Variants in NKAIN2 observed in about 807,000 individuals in gnomAD.
NKAIN2 encodes sodium/potassium transporting ATPase interacting 2, also known as sodium/potassium-transporting ATPase subunit beta-1-interacting protein 2.
NKAIN2 carries 14 observed loss-of-function variants against 32.6 expected under a neutral mutation model. The ratio of observed to expected loss-of-function variants is 0.43; its 90% CI spans 0.28 to 0.67. The LOEUF (loss-of-function observed/expected upper bound fraction) is 0.67. Among genes scored for constraint, NKAIN2 ranks in the 30% least tolerant of loss-of-function variants. The probability of loss-of-function intolerance (pLI) is 0.17; values close to 1 mark genes in which losing one functional copy is unlikely to be tolerated. For synonymous variants in NKAIN2, 80 were observed against 87.2 expected, an observed-to-expected ratio of 0.92 and a Z score of 0.46; for missense variants, 198 against 258.3, an observed-to-expected ratio of 0.77 and a Z score of 1.60.
intron 3 of NKAIN2, among the ~76,000 whole-genome samples, chr6:124,560,604 A>C (rs765249315): frequency 3.3e-5 from 5 of 152,224 alleles, no homozygotes; most frequent in Non-Finnish European, 7.3e-5. Flanking sequence ...TTTCAAATGA[A>C]TACAACGATG....
intron 1 of NKAIN2, among the ~76,000 whole-genome samples, chr6:123,993,191 T>C (rs1250661997): frequency 1.3e-5 from 2 of 152,188 alleles, no homozygotes; most frequent in African/African-American, 2.4e-5. Context: ...GGCAAAAGGG[T>C]ATTGACATAT....
At chr6:124,735,621 T>C (rs1776896470) in intron 4 of NKAIN2, among the ~76,000 whole-genome samples, 1 of 151,866 alleles carries the variant, frequency 6.6e-6, no homozygotes, top group Non-Finnish European at 1.5e-5. Context: ...ATCAACACAA[T>C]TTTTCCAATA....
chr6:123,804,127 T>A lies in NKAIN2; in HGVS notation c.-74T>A, dbSNP rs572708782. 8.7e-6 allele frequency: 12 copies of A among 1,377,390 alleles called. No homozygotes were observed. Among genetic ancestry groups the A allele is most frequent in the South Asian group, 1.2e-5 (1 of 86,440 alleles). The allele number at this position is 1,377,390 out of a possible 1,614,324, so 85.3% of individuals were successfully genotyped here. A position where few individuals can be genotyped will look rare whatever the true frequency, so the allele number is the denominator to read the frequency against. On this transcript the variant is annotated 5_prime_UTR_variant, in exon 1 of 7. Transcript: ENST00000368417. ...CAGGTTTGCGTGTCCTTCCCCGCGA[T>A]CTGATTGGATAAAGTGGGGGCTCGA...
chr6:124,330,293 G>A (rs1441831081), intron 2 of NKAIN2, among the ~76,000 whole-genome samples: 1 of 152,144 alleles, frequency 6.6e-6, no homozygotes, highest in African/African-American at 2.4e-5. Context: ...CAGTACCTCG[G>A]TAATAGACTC....
rs767605395 is a variant in NKAIN2 at position 124,791,337 on chromosome 6, A to C, written c.475-2A>C. 2 of 1,607,520 alleles carry C rather than the reference A, an allele frequency of 1.2e-6. No homozygotes were observed. Among genetic ancestry groups the C allele is most frequent in the Non-Finnish European group, 1.7e-6 (2 of 1,175,128 alleles). ...GTCTAAAGCATCTCTGTTTTGTTTCAGCTGGCAGGTTTCATCTACGCCTGT... is the reference window on the plus strand; with the variant it reads ...GTCTAAAGCATCTCTGTTTTGTTTCCGCTGGCAGGTTTCATCTACGCCTGT... On this transcript the variant is annotated splice_acceptor_variant, in intron 4 of 6. Transcript: ENST00000368417. LOFTEE classifies it high-confidence loss of function.
chr6:123,992,062 AAATTT>A (rs1221965731), intron 1 of NKAIN2, among the ~76,000 whole-genome samples: 3 of 152,184 alleles, frequency 2.0e-5, no homozygotes, highest in African/African-American at 4.8e-5. Flanking sequence ...CAAAGAAACT[AAATTT>A]TTTTGAATGG....
Position 124,222,256 on chromosome 6 carries a change from C to T in NKAIN2, c.55-60749C>T, listed in dbSNP as rs150422105. ...CAAGAAAAGGAAAGAAATGTTGTTG[C>T]CCTCACAGAGATTACACTGAGGTTT... On this transcript the variant is annotated intron_variant, in intron 1 of 6. Coordinates refer to ENST00000368417, the MANE Select transcript of NKAIN2 (RefSeq NM_001040214.3). 7.0e-3 allele frequency among the ~76,000 whole-genome samples: 1,070 copies of T among 152,158 alleles called. 3 individuals carry two copies. The highest frequency in any genetic ancestry group is 0.017 in the Admixed American group (266 of 15,272).
chr6:124,510,388 A>G (rs1375888986), intron 3 of NKAIN2, among the ~76,000 whole-genome samples: 4 of 152,136 alleles, frequency 2.6e-5, no homozygotes, highest in African/African-American at 9.7e-5. Context: ...CTTTAATGCT[A>G]TGTTAGAATC....
intron 4 of NKAIN2, among the ~76,000 whole-genome samples, chr6:124,723,974 G>T (rs549662374): frequency 6.6e-6 from 1 of 152,264 alleles, no homozygotes; most frequent in Admixed American, 6.5e-5. Flanking sequence ...TATGGGTTTT[G>T]ATTTGCATCA....
chr6:124,667,257 G>C (rs1196108903), intron 4 of NKAIN2, among the ~76,000 whole-genome samples: 1 of 151,840 alleles, frequency 6.6e-6, no homozygotes, highest in African/African-American at 2.4e-5. Context: ...ATTTAAGATA[G>C]TAGTAAGGAT....
chr6:124,794,591 G>T lies in NKAIN2; in HGVS notation c.535+3192G>T, dbSNP rs117538228. 1.8e-4 allele frequency among the ~76,000 whole-genome samples: 27 copies of T among 152,238 alleles called. No homozygotes were observed. In the East Asian group the frequency reaches 5.2e-3, roughly 29 times the overall value. The stretch of plus-strand genomic sequence containing the variant: ...TCATGTTAGTCTTATTGCTCAGTGC[G>T]CAAAATATGAACCCTTCTAAATTTT... On this transcript the variant is annotated intron_variant, in intron 5 of 6. Coordinates refer to ENST00000368417, the MANE Select transcript of NKAIN2 (RefSeq NM_001040214.3).
chr6:124,249,324 A>T (rs902887320), intron 1 of NKAIN2, among the ~76,000 whole-genome samples: 1 of 152,138 alleles, frequency 6.6e-6, no homozygotes, highest in African/African-American at 2.4e-5. Flanking sequence ...AACAATGGTC[A>T]TTATAACGAA....
chr6:123,888,033 G>C (rs1459025169), intron 1 of NKAIN2, among the ~76,000 whole-genome samples: 3 of 152,058 alleles, frequency 2.0e-5, no homozygotes, highest in Non-Finnish European at 1.5e-5. Flanking sequence ...TATTTGTAAA[G>C]TGTATAAAAT....
intron 1 of NKAIN2, among the ~76,000 whole-genome samples, chr6:123,925,301 A>G (rs1312644564): frequency 6.6e-6 from 1 of 152,216 alleles, no homozygotes; most frequent in Non-Finnish European, 1.5e-5. Context: ...TATTCAAGGA[A>G]AGGACCTCAG....
chr6:124,263,415 A>T (rs2114850228), intron 1 of NKAIN2, among the ~76,000 whole-genome samples: 1 of 152,310 alleles, frequency 6.6e-6, no homozygotes, highest in Non-Finnish European at 1.5e-5. Context: ...ACAGCAGAAA[A>T]GTATAGACTA....
intron 3 of NKAIN2, among the ~76,000 whole-genome samples, chr6:124,469,245 G>A (rs1776879997): frequency 1.3e-5 from 2 of 152,052 alleles, no homozygotes; most frequent in Admixed American, 1.3e-4. Context: ...CTTTTTGATG[G>A]AGCAGTGTGC....
intron 3 of NKAIN2, among the ~76,000 whole-genome samples, chr6:124,513,802 T>C (rs146696255): frequency 6.6e-6 from 1 of 152,330 alleles, no homozygotes; most frequent in East Asian, 1.9e-4. Context: ...GATGTTGTTT[T>C]AAGCAGTGCT....
intron 4 of NKAIN2, among the ~76,000 whole-genome samples, chr6:124,742,713 C>T (rs1777277652): frequency 6.6e-6 from 1 of 151,724 alleles, no homozygotes; most frequent in African/African-American, 2.4e-5. Flanking sequence ...GGAAACATCC[C>T]CTCCCTAGAA....
chr6:123,923,867 A>G (rs958312089), intron 1 of NKAIN2, among the ~76,000 whole-genome samples: 3 of 150,926 alleles, frequency 2.0e-5, no homozygotes, highest in African/African-American at 7.3e-5. Flanking sequence ...GGTGCAGCAC[A>G]CCAGCATGGC....
Sources: gnomAD v4.1 joint callset for allele counts (sites outside exome capture counted in the v4.1 genomes callset) on GRCh38, gnomAD v4.1.1 for gene constraint, MANE v1.5 for transcripts, NCBI Gene and HGNC (gene_info 2026-07-23, HGNC 2026-07-21) for gene names.